DEPTOR: variants seen among roughly 807,000 people sequenced by gnomAD.
DEPTOR encodes the protein DEP domain-containing mTOR-interacting protein.
DEPTOR carries 41 observed loss-of-function variants against 41.6 expected under a neutral mutation model. The observed-to-expected ratio is 0.98, with a 90% CI of 0.77 to 1.28. The LOEUF (loss-of-function observed/expected upper bound fraction) is 1.28, where lower values mean the gene tolerates loss of function less well. Among genes scored for constraint, DEPTOR ranks in the 50% most tolerant of loss-of-function variants. The pLI is 0.00. For missense variants in DEPTOR, 514 were observed against 527.9 expected, an observed-to-expected ratio of 0.97 and a Z score of 0.26; for synonymous variants, 195 against 192.3, an observed-to-expected ratio of 1.01 and a Z score of -0.12.
chr8:119,994,117 A>T (rs1812218635), intron 4 of DEPTOR, among the ~76,000 whole-genome samples: 1 of 151,366 alleles, frequency 6.6e-6, no homozygotes, highest in Non-Finnish European at 1.5e-5. Flanking sequence ...AGCCTGGGCA[A>T]CGGAGCAAAA....
chr8:120,029,509 T>G (rs1371991801), intron 8 of DEPTOR, among the ~76,000 whole-genome samples: 1 of 152,038 alleles, frequency 6.6e-6, no homozygotes, highest in Non-Finnish European at 1.5e-5. Flanking sequence ...GATTCTCCTG[T>G]CTCAGCCACC....
At chr8:119,980,668 C>T (rs1413039662) in intron 4 of DEPTOR, among the ~76,000 whole-genome samples, 1 of 151,824 alleles carries the variant, frequency 6.6e-6, no homozygotes, top group Admixed American at 6.6e-5. Context: ...CAGGCATGTG[C>T]CACCACAGCC....
At chr8:119,995,164 C>T (rs1259862444) in intron 4 of DEPTOR, among the ~76,000 whole-genome samples, 1 of 152,038 alleles carries the variant, frequency 6.6e-6, no homozygotes, top group Admixed American at 6.6e-5. Flanking sequence ...TCTCATTTTT[C>T]CTTTGCATGG....
chr8:119,876,650 A>AG (rs1157808976), intron 1 of DEPTOR, among the ~76,000 whole-genome samples: 1 of 149,248 alleles, frequency 6.7e-6, no homozygotes, highest in Non-Finnish European at 1.5e-5. Context: ...AAAAAAAAAA[A>AG]GAAGAAGAAG....
At chr8:119,905,739 C>A (rs1045043280) in intron 1 of DEPTOR, among the ~76,000 whole-genome samples, 2 of 151,220 alleles carry the variant, frequency 1.3e-5, no homozygotes, top group African/African-American at 4.9e-5. Flanking sequence ...CTCTCAGGTT[C>A]AAGCGATTCT....
intron 4 of DEPTOR, among the ~76,000 whole-genome samples, chr8:119,986,119 G>GCA (rs1828827549): frequency 2.0e-5 from 3 of 151,976 alleles, no homozygotes; most frequent in Non-Finnish European, 4.4e-5. Context: ...TTTCTTCATA[G>GCA]TGTCAATGGT....
At chr8:120,036,551 C>CT (rs887003934) in intron 8 of DEPTOR, among the ~76,000 whole-genome samples, 3 of 151,796 alleles carry the variant, frequency 2.0e-5, no homozygotes, top group South Asian at 4.2e-4. Context: ...TTTTCTTCTA[C>CT]TTTTTTTTTC....
chr8:119,965,394 T>C lies in DEPTOR; in HGVS notation c.588T>C (p.His196=). ...AEQLCHRLME[H]GIIQHVSNKH... is the part of the protein sequence containing the mutation. ...AGCTTTGCCACCGGCTTATGGAGCA[T>C]GGCATCATCCAGCATGGTGAGCGTA... is the stretch of plus-strand genomic sequence containing the variant. The change falls in exon 4 of 9, where the codon CAT becomes CAC. Residue 196 remains histidine, a synonymous_variant. Coordinates refer to ENST00000286234, the MANE Select transcript of DEPTOR (RefSeq NM_022783.4). 1.2e-6 allele frequency: 2 copies of C among 1,613,902 alleles called. No homozygotes were observed. The highest frequency in any genetic ancestry group is 1.7e-6 in the Non-Finnish European group (2 of 1,179,994).
chr8:119,991,092 C>CTT (rs1242119803), intron 4 of DEPTOR, among the ~76,000 whole-genome samples: 24 of 55,544 alleles, frequency 4.3e-4, no homozygotes, highest in Admixed American at 2.1e-3. Flanking sequence ...CTTTCTTTTT[C>CTT]TTTCTTTCTT....
chr8:120,023,440 C>T lies in DEPTOR; in HGVS notation c.1101+14307C>T, dbSNP rs185520517. Among the ~76,000 whole-genome samples, 211 of 152,132 alleles carry T rather than the reference C, an allele frequency of 1.4e-3. 1 individual carries two copies. Among genetic ancestry groups the T allele is most frequent in the African/African-American group, 4.8e-3 (201 of 41,506 alleles). ...ATTTTTAGTAGATACGGGGCCACCA[C>T]GCCCAGCCTAATTATTTTCTTATTC... On this transcript the variant is annotated intron_variant, in intron 8 of 8. Transcript: ENST00000286234.
chr8:119,999,883 G>T (rs1185500526), intron 4 of DEPTOR, among the ~76,000 whole-genome samples: 2 of 152,094 alleles, frequency 1.3e-5, no homozygotes, highest in Non-Finnish European at 2.9e-5. Context: ...TTGTTGTGGT[G>T]GTTACAGAAA....
chr8:119,928,569 A>T lies in DEPTOR; in HGVS notation c.292A>T (p.Ile98Phe). Residue 98 changes from isoleucine (I) to phenylalanine (F), a missense_variant, in exon 2 of 9, where the codon ATT becomes TTT. By Grantham distance (21) the Ile-to-Phe change is conservative. Coordinates refer to ENST00000286234, the MANE Select transcript of DEPTOR (RefSeq NM_022783.4). ...LMQKLADRGI[I>F]HHVCDEHKEF... ...GCAGAAATTAGCAGACCGGGGCATTATTCACCATGGTGAGTGCGGTGGCGA... is the reference window on the plus strand; with the variant it reads ...GCAGAAATTAGCAGACCGGGGCATTTTTCACCATGGTGAGTGCGGTGGCGA... 6.2e-7 allele frequency: 1 copy of T among 1,614,094 alleles called. No individual in the cohort carries two copies. Among genetic ancestry groups the T allele is most frequent in the Non-Finnish European group, 8.5e-7 (1 of 1,179,988 alleles).
chr8:119,958,550 C>G (rs773448914), intron 3 of DEPTOR, among the ~76,000 whole-genome samples: 5 of 151,704 alleles, frequency 3.3e-5, no homozygotes, highest in African/African-American at 1.2e-4. Flanking sequence ...TTTGGGAGGC[C>G]GAGGGTGAAT....
At chr8:120,022,403 T>C (rs4871825) in intron 8 of DEPTOR, among the ~76,000 whole-genome samples, 64,280 of 151,876 alleles carry the variant, frequency 0.42, 14,164 homozygotes, top group South Asian at 0.54. Context: ...TACATGGAAA[T>C]TTTTTTAAAC....
chr8:120,010,767 G>A (rs1812520907), intron 8 of DEPTOR, among the ~76,000 whole-genome samples: 1 of 152,170 alleles, frequency 6.6e-6, no homozygotes, highest in African/African-American at 2.4e-5. Context: ...TTTATTTGAA[G>A]TGTGTAATTG....
chr8:119,901,625 G>A (rs1425439921), intron 1 of DEPTOR, among the ~76,000 whole-genome samples: 2 of 149,868 alleles, frequency 1.3e-5, no homozygotes, highest in African/African-American at 4.9e-5. Context: ...GCAGTCAGCC[G>A]AGATTGTGCC....
intron 6 of DEPTOR, 129 bp downstream of exon 6, chr8:120,003,240 C>A: frequency 6.9e-7 from 1 of 1,456,320 alleles, no homozygotes; most frequent in Non-Finnish European, 9.2e-7. Flanking sequence ...TCTTGGGGTC[C>A]ACACGTGTTG....
intron 3 of DEPTOR, among the ~76,000 whole-genome samples, chr8:119,948,634 G>A (rs544776626): frequency 4.6e-5 from 7 of 151,684 alleles, no homozygotes; most frequent in South Asian, 2.1e-4. Context: ...CAACCATTAC[G>A]ACAGTCAATT....
chr8:119,964,515 C>CA (rs536731714), intron 3 of DEPTOR, among the ~76,000 whole-genome samples: 2,512 of 120,846 alleles, frequency 0.021, 112 homozygotes, highest in East Asian at 0.034. Context: ...AAGCCCGTCT[C>CA]AAAAAAAAAA....
Sources: gnomAD v4.1 joint callset for allele counts (sites outside exome capture counted in the v4.1 genomes callset) on GRCh38, gnomAD v4.1.1 for gene constraint, MANE v1.5 for transcripts, NCBI Gene and HGNC (gene_info 2026-07-23, HGNC 2026-07-21) for gene names.